SYAP1: variants seen among roughly 807,000 people sequenced by gnomAD.
SYAP1 encodes the protein synapse-associated protein 1.
SYAP1 carries 3 observed loss-of-function variants against 29.6 expected under a neutral mutation model. The ratio of observed to expected loss-of-function variants is 0.10; its 90% CI spans 0.05 to 0.26. The LOEUF (loss-of-function observed/expected upper bound fraction) is 0.26, where lower values mean the gene tolerates loss of function less well. Among genes scored for constraint, SYAP1 ranks in the 10% least tolerant of loss-of-function variants. The probability of loss-of-function intolerance (pLI) is 1.00; values close to 1 mark genes in which losing one functional copy is unlikely to be tolerated. For synonymous variants in SYAP1, 102 were observed against 102.7 expected (o/e 0.99, Z 0.04); for missense variants, 217 against 264.1 (o/e 0.82, Z 1.24).
chrX:16,732,381 C>CTT lies in SYAP1; in HGVS notation c.176-2828_176-2827dup, dbSNP rs1266261464. Among the ~76,000 whole-genome samples, 564 of 93,535 alleles carry CTT rather than the reference C, an allele frequency of 6.0e-3. 7 individuals carry two copies. Among genetic ancestry groups the CTT allele is most frequent in the African/African-American group, 0.02 (516 of 25,429 alleles). 81.2% of individuals were successfully genotyped at this position (93,535 alleles called of 115,157 possible). A position where few individuals can be genotyped will look rare whatever the true frequency, so the allele number is the denominator to read the frequency against. On this transcript the variant is annotated intron_variant, in intron 1 of 8. Transcript: ENST00000380155. ...TCCAGCCTTTGCATAAGGTCACTGG[C>CTT]TTTTTTTTTTTTTTTTTTTGAGACG...
intron 5 of SYAP1, among the ~76,000 whole-genome samples, chrX:16,751,216 G>C (rs971089231): frequency 1.8e-5 from 2 of 108,949 alleles, no homozygotes; most frequent in East Asian, 5.9e-4. Flanking sequence ...ACTTTGGGAG[G>C]CCGAGGCGGG....
intron 1 of SYAP1, among the ~76,000 whole-genome samples, chrX:16,730,183 G>A (rs1007097949): frequency 2.7e-5 from 3 of 111,164 alleles, no homozygotes; most frequent in African/African-American, 6.5e-5. Flanking sequence ...GTAAAACCCC[G>A]TCTCTACTAA....
chrX:16,760,239 T>C lies in SYAP1; in HGVS notation c.939T>C (p.Ser313=). The change falls in exon 9 of 9, where the codon TCT becomes TCC. Residue 313 remains serine, a synonymous_variant. Coordinates refer to ENST00000380155, the MANE Select transcript of SYAP1 (RefSeq NM_032796.4). ...QEETAVLEED[S]ADWEKELQQE... ...CTCCTTTGTTTCTTTTAGAGGATTC[T>C]GCAGATTGGGAAAAAGAACTGCAGC... The C allele has an allele frequency of 8.4e-7, 1 of 1,184,598 alleles. No homozygotes were observed.
chrX:16,738,374 C>T (rs1458169466), intron 3 of SYAP1, among the ~76,000 whole-genome samples: 3 of 111,765 alleles, frequency 2.7e-5, no homozygotes, highest in East Asian at 2.8e-4. Flanking sequence ...GCGATTGTGC[C>T]GCTACACTCC....
rs1243269683 is a variant in SYAP1 at position 16,763,268 on chromosome X, A to G, written c.*2909A>G. ...GCCACTGCACTTCAGCCTGGGTGACAGAGACTCTGTTTCAAAAAAGGGAGG... is the reference window on the plus strand; with the variant it reads ...GCCACTGCACTTCAGCCTGGGTGACGGAGACTCTGTTTCAAAAAAGGGAGG... On this transcript the variant is annotated 3_prime_UTR_variant, in exon 9 of 9. Transcript: ENST00000380155. The G allele has an allele frequency of 1.2e-5, 1 of 84,720 alleles. No homozygotes were observed. Among genetic ancestry groups the G allele is most frequent in the Non-Finnish European group, 2.2e-5 (1 of 45,457 alleles). 7.0% of individuals were successfully genotyped at this position (84,720 alleles called of 1,213,427 possible).
rs773588661 is a variant in SYAP1, at chrX:16,719,671, A to G, written c.-54A>G. 4.3e-6 allele frequency: 5 copies of G among 1,166,993 alleles called. No homozygotes were observed. The highest frequency in any genetic ancestry group is 5.7e-6 in the Non-Finnish European group (5 of 873,972). ...GCGCAGAGTGGAGTCAAAGGCAACCAGTGCTCGCTGCGGTCTCTGGGGATC... is the reference window on the plus strand; with the variant it reads ...GCGCAGAGTGGAGTCAAAGGCAACCGGTGCTCGCTGCGGTCTCTGGGGATC... On this transcript the variant is annotated 5_prime_UTR_variant, in exon 1 of 9. Coordinates refer to ENST00000380155, the MANE Select transcript of SYAP1 (RefSeq NM_032796.4).
In SYAP1 at chrX:16,763,357, G is replaced by GT. The variant is rs1420294835; in HGVS notation, c.*3007dup. 3.5e-4 allele frequency: 37 copies of GT among 106,754 alleles called. No homozygotes were observed. Among genetic ancestry groups the GT allele is most frequent in the South Asian group, 1.3e-3 (3 of 2,354 alleles). 8.8% of individuals were successfully genotyped at this position (106,754 alleles called of 1,213,427 possible). A position where few individuals can be genotyped will look rare whatever the true frequency, so the allele number is the denominator to read the frequency against. On this transcript the variant is annotated 3_prime_UTR_variant, in exon 9 of 9. Transcript: ENST00000380155. ...AAATCGGGCATTTCTTTTTTTGTTT[G>GT]TTTTTTTTTCTTGGAGACAGAATCT...
At chrX:16,744,411 T>C (rs762236777) in intron 5 of SYAP1, among the ~76,000 whole-genome samples, 1 of 113,053 alleles carries the variant, frequency 8.8e-6, no homozygotes, top group East Asian at 2.8e-4. Flanking sequence ...GTCCCTTGTA[T>C]TGAAGCTGTC....
chrX:16,724,199 A>G (rs969028305), intron 1 of SYAP1, among the ~76,000 whole-genome samples: 1 of 112,089 alleles, frequency 8.9e-6, no homozygotes, highest in African/African-American at 3.2e-5. Context: ...CAGGCACAGT[A>G]GAGTCACACA....
intron 5 of SYAP1, among the ~76,000 whole-genome samples, chrX:16,750,628 C>T (rs187130837): frequency 9.0e-6 from 1 of 110,941 alleles, no homozygotes; most frequent in East Asian, 2.8e-4. Flanking sequence ...CATTTTGCCT[C>T]TATCACTTAC....
chrX:16,754,923 C>G lies in SYAP1; in HGVS notation c.576-22C>G, dbSNP rs201641216. ...TTCAATTTTGCCTTTTTCCACTGTT[C>G]TAATTTGCCTTTCTTTAAAAGTGTG... On this transcript the variant is annotated intron_variant, in intron 5 of 8. Transcript: ENST00000380155. 11 of 1,204,778 alleles carry G rather than the reference C, an allele frequency of 9.1e-6. 1 individual carries two copies. The South Asian group carries it at 1.1e-4, about 12-fold the overall frequency.
intron 1 of SYAP1, among the ~76,000 whole-genome samples, chrX:16,728,269 CAT>C (rs912208752): frequency 7.2e-5 from 8 of 111,748 alleles, no homozygotes; most frequent in African/African-American, 2.6e-4. Context: ...GAGTCCTGAA[CAT>C]TTTTCCTCTG....
At chrX:16,742,844 G>T (rs1281281544) in intron 4 of SYAP1, among the ~76,000 whole-genome samples, 1 of 108,855 alleles carries the variant, frequency 9.2e-6, no homozygotes, top group Non-Finnish European at 1.9e-5. Flanking sequence ...CGAACTCCTG[G>T]CCTCAAGCGA....
At chrX:16,754,834 C>A in intron 5 of SYAP1, 111 bp from the exon 6 acceptor site, 1 of 732,210 alleles carries the variant, frequency 1.4e-6, no homozygotes, top group Non-Finnish European at 2.1e-6. Flanking sequence ...AACAAATAAC[C>A]CCTGCGTGCA....
chrX:16,737,142 G>C (rs996684487), intron 3 of SYAP1, among the ~76,000 whole-genome samples: 1 of 110,895 alleles, frequency 9.0e-6, no homozygotes, highest in Non-Finnish European at 1.9e-5. Context: ...ACTTTGGCAG[G>C]CCAAGGCGCG....
intron 8 of SYAP1, among the ~76,000 whole-genome samples, chrX:16,758,511 C>G (rs147942615): frequency 0.01 from 1,125 of 110,839 alleles, 19 homozygotes; most frequent in African/African-American, 0.035. Context: ...CCACACCTGG[C>G]TAATTTTTGT....
intron 3 of SYAP1, 156 bp downstream of exon 3, chrX:16,736,388 A>G: frequency 2.5e-6 from 1 of 406,248 alleles, no homozygotes. Flanking sequence ...CAAACCCATA[A>G]ACTTCCATGA....
intron 3 of SYAP1, 77 bp from the exon 4 acceptor site, chrX:16,741,639 T>C: frequency 1.3e-6 from 1 of 741,060 alleles, no homozygotes. Context: ...CTTTCATGCT[T>C]TGAAACCATA....
At chrX:16,735,424 A>G in intron 2 of SYAP1, 79 bp downstream of exon 2, 1 of 678,995 alleles carries the variant, frequency 1.5e-6, no homozygotes, top group South Asian at 2.8e-5. Flanking sequence ...TCTTATGAAC[A>G]TTTTTTAACC....
Sources: gnomAD v4.1 joint callset for allele counts (sites outside exome capture counted in the v4.1 genomes callset) on GRCh38, gnomAD v4.1.1 for gene constraint, MANE v1.5 for transcripts, NCBI Gene and HGNC (gene_info 2026-07-23, HGNC 2026-07-21) for gene names.